MOCS2: variants seen among roughly 807,000 people sequenced by gnomAD.
MOCS2 encodes molybdopterin synthase catalytic subunit.
Under a neutral mutation model 21.9 loss-of-function variants are expected in MOCS2, and 13 were observed. The ratio of observed to expected loss-of-function variants is 0.59; its 90% confidence interval spans 0.39 to 0.94. The LOEUF is 0.94. MOCS2 is among the 40% of genes least tolerant of loss of function. The probability of loss-of-function intolerance (pLI) is 0.00; values close to 1 mark genes in which losing one functional copy is unlikely to be tolerated. For synonymous variants in MOCS2, 92 were observed against 80.8 expected, an observed-to-expected ratio of 1.14 and a Z score of -0.74; for missense variants, 227 against 218.3, an observed-to-expected ratio of 1.04 and a Z score of -0.25.
chr5:53,100,333 A>C, intron 6 of MOCS2, 78 bp downstream of exon 6: 1 of 1,528,424 alleles, frequency 6.5e-7, no homozygotes, highest in Non-Finnish European at 9.1e-7. Flanking sequence ...AAAAGTCCAT[A>C]AATATGGGGG....
At chr5:53,100,134 A>G (rs1255154407) in intron 6 of MOCS2, among the ~76,000 whole-genome samples, 1 of 152,224 alleles carries the variant, frequency 6.6e-6, no homozygotes, top group Non-Finnish European at 1.5e-5. Context: ...ATTCAAGGGA[A>G]TTATAATCCA....
At position 53,100,549 on chromosome 5, in the gene MOCS2, A is replaced by G. The variant is rs2112082239; in HGVS notation, c.378-15T>C. 1 of 1,613,182 alleles carries G rather than the reference A, an allele frequency of 6.2e-7. No homozygotes were observed. The highest frequency in any genetic ancestry group is 8.5e-7 in the Non-Finnish European group (1 of 1,179,450). On this transcript the variant is annotated splice_polypyrimidine_tract_variant and intron_variant, in intron 5 of 6. Transcript: ENST00000396954. ...CTGGAACCAAGCTTTAACAAGATGA[A>G]GAGAAAAAAAAATCACCATCATCTC... is the stretch of plus-strand genomic sequence containing the variant.
chr5:53,099,160 T>TC (rs1561172461), intron 6 of MOCS2, among the ~76,000 whole-genome samples: 1 of 152,156 alleles, frequency 6.6e-6, no homozygotes, highest in Admixed American at 6.5e-5. Flanking sequence ...CTAGTCACAT[T>TC]CCATTTCTGT....
At chr5:53,100,605 A>G in intron 5 of MOCS2, 71 bp from the exon 6 acceptor site, 2 of 1,534,926 alleles carry the variant, frequency 1.3e-6, no homozygotes, top group Non-Finnish European at 1.8e-6. Context: ...TCTGCTAGAC[A>G]GATGAAAAAA....
rs1019588057 is a variant in MOCS2 at position 53,109,550 on chromosome 5, G to C, written c.-469C>G. 24 of 1,396,544 alleles carry C rather than the reference G, an allele frequency of 1.7e-5. No homozygotes were observed. The highest frequency in any genetic ancestry group is 2.2e-5 in the Non-Finnish European group (24 of 1,074,364). The allele number at this position is 1,396,544 out of a possible 1,614,324, so 86.5% of individuals were successfully genotyped here. A position where few individuals can be genotyped will look rare whatever the true frequency, so the allele number is the denominator to read the frequency against. ...AAAGCCCGGAGACAGGAAGGGCCCG[G>C]GGGCGGGGGCGGGGGCGCCCCCGAA... is the stretch of plus-strand genomic sequence containing the variant. On this transcript the variant is annotated 5_prime_UTR_variant, in exon 1 of 7. Transcript: ENST00000396954.
chr5:53,104,109 A>C (rs2112086952), intron 3 of MOCS2, among the ~76,000 whole-genome samples: 1 of 152,364 alleles, frequency 6.6e-6, no homozygotes, highest in East Asian at 1.9e-4. Flanking sequence ...ATTCCAACCA[A>C]GGAGTACTAG....
chr5:53,105,662 C>G (rs1741030321), intron 3 of MOCS2, among the ~76,000 whole-genome samples: 1 of 152,050 alleles, frequency 6.6e-6, no homozygotes. Context: ...GACATAAGAA[C>G]AAGCAAAGAT....
intron 6 of MOCS2, among the ~76,000 whole-genome samples, chr5:53,099,401 G>A (rs557605398): frequency 2.2e-4 from 34 of 152,260 alleles, no homozygotes; most frequent in African/African-American, 7.7e-4. Context: ...CTGCCTTCCA[G>A]GCTTGCAGCT....
At position 53,109,706 on chromosome 5, in the gene MOCS2, C is replaced by A. The variant is rs545270303; in HGVS notation, c.-625G>T. On this transcript the variant is annotated 5_prime_UTR_variant, in exon 1 of 7. Coordinates refer to ENST00000396954, the MANE Select transcript of MOCS2 (RefSeq NM_004531.5). ...CCAGGCCCGCACGCACACCCGCCAC[C>A]CTTACCTGGCACAGCGGCACCATCC... 3 of 1,553,380 alleles carry A rather than the reference C, an allele frequency of 1.9e-6. No homozygotes were observed. The highest frequency in any genetic ancestry group is 1.2e-5 in the South Asian group (1 of 84,162).
In MOCS2 at chr5:53,096,107, T is replaced by C. The variant is rs1740722350; in HGVS notation, c.*2495A>G. On this transcript the variant is annotated 3_prime_UTR_variant, in exon 7 of 7. Coordinates refer to ENST00000396954, the MANE Select transcript of MOCS2 (RefSeq NM_004531.5). ...ACTTTACTATAACTTTTACTATGGCTCTGGCTCTACTGCCCTCTGCTGGAT... is the reference window on the plus strand; with the variant it reads ...ACTTTACTATAACTTTTACTATGGCCCTGGCTCTACTGCCCTCTGCTGGAT... 1 of 152,252 alleles carries C rather than the reference T, an allele frequency of 6.6e-6. No individual in the cohort carries two copies. The highest frequency in any genetic ancestry group is 1.5e-5 in the Non-Finnish European group (1 of 68,056). 9.4% of individuals were successfully genotyped at this position (152,252 alleles called of 1,614,324 possible). A position where few individuals can be genotyped will look rare whatever the true frequency, so the allele number is the denominator to read the frequency against.
In MOCS2 at chr5:53,109,282, A is replaced by T. The variant is rs1157013562; in HGVS notation, c.-201T>A. The T allele has an allele frequency of 9.9e-7, 1 of 1,008,040 alleles. No homozygotes were observed. The highest frequency in any genetic ancestry group is 1.2e-6 in the Non-Finnish European group (1 of 845,428). 62.4% of individuals were successfully genotyped at this position (1,008,040 alleles called of 1,614,324 possible). On this transcript the variant is annotated 5_prime_UTR_variant, in exon 1 of 7. Transcript: ENST00000396954. ...CTCCGTGCAAACAACTCTTTACGAA[A>T]TAATTACAGGTTTGCAAATGATCAA...
At chr5:53,101,036 G>T in intron 5 of MOCS2, 1 of 390,362 alleles carries the variant, frequency 2.6e-6, no homozygotes, top group Non-Finnish European at 4.6e-6. Context: ...CTCTTTTTAG[G>T]GGTACAAAAA....
chr5:53,100,186 C>T (rs1415848226), intron 6 of MOCS2, among the ~76,000 whole-genome samples: 2 of 152,190 alleles, frequency 1.3e-5, no homozygotes, highest in Non-Finnish European at 2.9e-5. Flanking sequence ...ACAGTCCAGA[C>T]TAGGAATTCT....
In MOCS2 at chr5:53,107,072, CATACCTAG is replaced by C; in HGVS notation, c.95_98+4del. ...GACTGATTAAGAAAAACAAATCTCA[CATACCTAG>C]ATGGCTCAAAAGCACTATCCTCCAC... On this transcript the variant is annotated splice_donor_variant and splice_donor_region_variant and coding_sequence_variant and intron_variant, in exon 3 of 7. Coordinates refer to ENST00000396954, the MANE Select transcript of MOCS2 (RefSeq NM_004531.5). LOFTEE classifies it high-confidence loss of function. 2 of 1,614,068 alleles carry C rather than the reference CATACCTAG, an allele frequency of 1.2e-6. No individual in the cohort carries two copies. Among genetic ancestry groups the C allele is most frequent in the Non-Finnish European group, 8.5e-7 (1 of 1,179,984 alleles).
Position 53,109,676 on chromosome 5 carries a change from C to T in MOCS2, c.-595G>A. On this transcript the variant is annotated 5_prime_UTR_variant, in exon 1 of 7. Transcript: ENST00000396954. ...GGGAGAGACACGTCGAGGAGGGCTC[C>T]GCACCCAGGCCCGCACGCACACCCG... 3 of 1,551,434 alleles carry T rather than the reference C, an allele frequency of 1.9e-6. No individual in the cohort carries two copies. Among genetic ancestry groups the T allele is most frequent in the Non-Finnish European group, 2.6e-6 (3 of 1,147,442 alleles).
intron 6 of MOCS2, among the ~76,000 whole-genome samples, chr5:53,098,967 A>C (rs772914911): frequency 6.6e-6 from 1 of 152,176 alleles, no homozygotes; most frequent in South Asian, 2.1e-4. Flanking sequence ...AGAAGTTCCT[A>C]AACAAGTTTG....
intron 3 of MOCS2, among the ~76,000 whole-genome samples, chr5:53,104,714 G>T (rs1193339783): frequency 6.6e-6 from 1 of 151,950 alleles, no homozygotes; most frequent in Non-Finnish European, 1.5e-5. Flanking sequence ...AGGAGGGTGG[G>T]GAAAAAATGG....
intron 3 of MOCS2, among the ~76,000 whole-genome samples, chr5:53,105,234 AAT>A (rs1219943641): frequency 5.3e-5 from 8 of 152,100 alleles, no homozygotes; most frequent in Admixed American, 1.3e-4. Flanking sequence ...ACAGTCCAAT[AAT>A]ATGAGTTCAA....
chr5:53,100,684 T>C (rs1377275365), intron 5 of MOCS2, 150 bp from the exon 6 acceptor site: 3 of 797,276 alleles, frequency 3.8e-6, no homozygotes, highest in East Asian at 2.8e-5. Context: ...TAGAAAAGAG[T>C]AATTAATTGC....
Sources: allele counts gnomAD v4.1 joint callset (sites outside exome capture counted in the v4.1 genomes callset), GRCh38; gene constraint gnomAD v4.1.1; transcripts MANE v1.5; gene names NCBI Gene and HGNC (gene_info 2026-07-23, HGNC 2026-07-21).